PLXNA1: variants seen among roughly 807,000 people sequenced by gnomAD.
The protein encoded by PLXNA1 is plexin A1.
In PLXNA1, 77 loss-of-function variants were observed where a neutral mutation model predicts 191.7. That is an observed-to-expected ratio of 0.40 (90% CI 0.33 to 0.49). The LOEUF is 0.49. Ranked by LOEUF, PLXNA1 falls within the 20% of genes least tolerant of loss-of-function variation. PLXNA1 has a pLI of 0.63. For missense variants in PLXNA1, 2,110 were observed against 2,660.2 expected (o/e 0.79, Z 4.55); for synonymous variants, 1,137 against 1,156.4 (o/e 0.98, Z 0.34).
intron 3 of PLXNA1, among the ~76,000 whole-genome samples, chr3:126,992,669 C>G (rs1200863247): frequency 6.6e-6 from 1 of 151,942 alleles, no homozygotes; most frequent in East Asian, 1.9e-4. Flanking sequence ...CCGTGGGGGC[C>G]CAGCTGCTGA....
Position 127,029,523 on chromosome 3 carries a change from C to T in PLXNA1, c.4857C>T (p.Ser1619=). Residue 1619 remains serine (S), a synonymous_variant, in exon 27 of 32, where the codon TCC becomes TCT. Transcript: ENST00000393409. ...NISNSSTFTK[S]LSRYESMLRT... ...CCAACTCCTCCACCTTCACCAAGTCCCTCAGCAGATACGGTGAGGGGCCAG... is the reference window on the plus strand; with the variant it reads ...CCAACTCCTCCACCTTCACCAAGTCTCTCAGCAGATACGGTGAGGGGCCAG... 1 of 1,613,884 alleles carries T rather than the reference C, an allele frequency of 6.2e-7. No homozygotes were observed. Among genetic ancestry groups the T allele is most frequent in the Non-Finnish European group, 8.5e-7 (1 of 1,179,930 alleles).
intron 3 of PLXNA1, among the ~76,000 whole-genome samples, chr3:126,992,691 C>T (rs761948804): frequency 1.3e-5 from 2 of 151,974 alleles, no homozygotes; most frequent in Non-Finnish European, 2.9e-5. Flanking sequence ...TGTAGGCCCC[C>T]CAGGGTGGGG....
chr3:126,986,823 C>T (rs1196021149), intron 1 of PLXNA1, among the ~76,000 whole-genome samples: 2 of 152,176 alleles, frequency 1.3e-5, no homozygotes, highest in Non-Finnish European at 2.9e-5. Context: ...ATGTGGGCAC[C>T]AGGCACAGAG....
In PLXNA1 at chr3:127,027,889, G is replaced by C. The variant is rs1375678982; in HGVS notation, c.4363-51G>C. ...CACTCGACGGGTGGAGGGGCAGGTT[G>C]GGGGTAGGCCCGGGGGTCCTGGCTG... On this transcript the variant is annotated intron_variant, in intron 23 of 31. Coordinates refer to ENST00000393409, the MANE Select transcript of PLXNA1 (RefSeq NM_032242.4). 3.1e-6 allele frequency: 5 copies of C among 1,608,864 alleles called. No homozygotes were observed. The Admixed American group carries it at 6.7e-5, about 22-fold the overall frequency.
Position 127,029,912 on chromosome 3 carries a change from C to T in PLXNA1, c.4909C>T (p.Arg1637Cys), listed in dbSNP as rs937053151. The T allele has an allele frequency of 2.5e-6, 4 of 1,612,778 alleles. No homozygotes were observed. The highest frequency in any genetic ancestry group is 1.3e-5 in the African/African-American group (1 of 74,922). ...CACGGCCAGCAGCCCCGACAGCCTG[C>T]GCTCGCGCACGCCCATGATCACGCC... ...LRTASSPDSL[R>C]SRTPMITPDL... The change falls in exon 28 of 32, where the codon CGC becomes TGC. Residue 1637 changes from arginine to cysteine, a missense_variant. This residue lies in a region of PLXNA1 where 559 missense variants were observed against 911.5 expected (regional missense o/e 0.61). Transcript: ENST00000393409.
chr3:126,991,522 C>T lies in PLXNA1; in HGVS notation c.1333C>T (p.Arg445Cys), dbSNP rs780843387. The T allele has an allele frequency of 8.7e-6, 14 of 1,608,068 alleles. No homozygotes were observed. Among genetic ancestry groups the T allele is most frequent in the Admixed American group, 8.4e-5 (5 of 59,784 alleles). The change falls in exon 3 of 32, where the codon CGC (arginine) becomes TGC (cysteine). Residue 445 changes from arginine (R) to cysteine (C), a missense_variant. Physicochemically the swap from Arg to Cys is radical, Grantham distance 180 (BLOSUM62 -3). Coordinates refer to ENST00000393409, the MANE Select transcript of PLXNA1 (RefSeq NM_032242.4). ...CGTGGCTGCCTATGACTATCGGGGC[C>T]GCACTGTGGTATTCGCCGGCACGCG... ...TAVAAYDYRG[R>C]TVVFAGTRSG...
At chr3:127,019,324 A>C (rs895650358) in intron 20 of PLXNA1, among the ~76,000 whole-genome samples, 3 of 152,196 alleles carry the variant, frequency 2.0e-5, no homozygotes, top group Admixed American at 6.5e-5. Context: ...GAGCCCTCTC[A>C]GTCCCAGACA....
At chr3:127,010,189 T>A (rs1161369092) in intron 9 of PLXNA1, among the ~76,000 whole-genome samples, 1 of 152,170 alleles carries the variant, frequency 6.6e-6, no homozygotes, top group African/African-American at 2.4e-5. Context: ...ATCGGAGCCT[T>A]TGGGGACAAC....
At position 127,005,987 on chromosome 3, in the gene PLXNA1, G is replaced by T. The variant is rs376433889; in HGVS notation, c.1898-92G>T. The stretch of plus-strand genomic sequence containing the variant: ...GCGACTGATGGTGGCAGCTAGGAGG[G>T]TCTCCGGGCAAGTTGTTCCCCTGTC... On this transcript the variant is annotated intron_variant, in intron 7 of 31. Transcript: ENST00000393409. 6.5e-4 allele frequency: 592 copies of T among 912,988 alleles called. 6 individuals carry two copies. In the South Asian group the frequency reaches 7.6e-3, roughly 12 times the overall value. The allele number at this position is 912,988 out of a possible 1,614,324, so 56.6% of individuals were successfully genotyped here.
rs544991662 is a variant in PLXNA1, at chr3:126,991,537, G to A, written c.1348G>A (p.Ala450Thr). The A allele has an allele frequency of 1.3e-5, 20 of 1,595,470 alleles. No homozygotes were observed. The East Asian group carries it at 2.9e-4, about 23-fold the overall frequency. The change falls in exon 3 of 32, where the codon GCC becomes ACC. Residue 450 changes from alanine to threonine, a missense_variant. Physicochemically the swap from Ala to Thr is moderately conservative, Grantham distance 58. This residue lies in a region of PLXNA1 where 903 missense variants were observed against 1,015.7 expected (regional missense o/e 0.89). Transcript: ENST00000393409. ...YDYRGRTVVF[A>T]GTRSGRIRKI... ...CTATCGGGGCCGCACTGTGGTATTC[G>A]CCGGCACGCGAAGTGGCCGCATCCG...
At chr3:127,027,477 G>C in intron 23 of PLXNA1, 1 of 364,926 alleles carries the variant, frequency 2.7e-6, no homozygotes, top group Non-Finnish European at 5.3e-6. Context: ...GTCACACTTG[G>C]AGTTGCGTAG....
At chr3:127,020,410 C>G (rs763803885) in intron 21 of PLXNA1, 66 bp downstream of exon 21, 51 of 1,575,670 alleles carry the variant, frequency 3.2e-5, no homozygotes, top group Non-Finnish European at 4.0e-5. Flanking sequence ...GCCTTTGAGG[C>G]TCCTTGGGTG....
intron 23 of PLXNA1, chr3:127,027,521 A>T: frequency 2.6e-6 from 1 of 379,754 alleles, no homozygotes; most frequent in Non-Finnish European, 5.2e-6. Flanking sequence ...GCGGTGGGCC[A>T]TGGGGAGCTT....
chr3:127,024,633 C>T lies in PLXNA1; in HGVS notation c.4362+1815C>T, dbSNP rs55717709. 7.1e-3 allele frequency among the ~76,000 whole-genome samples: 1,076 copies of T among 152,192 alleles called. 10 individuals are homozygous for T. The highest frequency in any genetic ancestry group is 0.012 in the Non-Finnish European group (786 of 67,978). On this transcript the variant is annotated intron_variant, in intron 23 of 31. Transcript: ENST00000393409. ...CTCGTTGTTAGTGGGGTACCAGTGT[C>T]GGGGGCAGGCAGGGGCCAGGAGCTG...
chr3:127,023,306 G>C (rs1230217424), intron 23 of PLXNA1, among the ~76,000 whole-genome samples: 1 of 152,258 alleles, frequency 6.6e-6, no homozygotes, highest in Non-Finnish European at 1.5e-5. Flanking sequence ...CTGCAGGCCA[G>C]GGCCCAGGCT....
At position 126,989,448 on chromosome 3, in the gene PLXNA1, C is replaced by T. The variant is rs1370563604; in HGVS notation, c.855C>T (p.Leu285=). 8.7e-6 allele frequency: 14 copies of T among 1,613,530 alleles called. No individual in the cohort carries two copies. Among genetic ancestry groups the T allele is most frequent in the Admixed American group, 5.0e-5 (3 of 60,014 alleles). ...TCTTCACGTCCAAGATCGTGCGGCT[C>T]TGTGTGGACGACCCCAAATTCTACT... The part of the protein sequence containing the change: ...EHFFTSKIVR[L]CVDDPKFYSY... Residue 285 remains leucine, a synonymous_variant, in exon 2 of 32, where the codon CTC becomes CTT. Coordinates refer to ENST00000393409, the MANE Select transcript of PLXNA1 (RefSeq NM_032242.4).
intron 3 of PLXNA1, among the ~76,000 whole-genome samples, chr3:126,997,926 A>G (rs1346032547): frequency 3.9e-5 from 6 of 152,216 alleles, no homozygotes; most frequent in African/African-American, 1.2e-4. Flanking sequence ...GCTCATGGCC[A>G]GCCTGGCAGG....
At chr3:126,984,902 GAGC>G (rs2078950422) in intron 1 of PLXNA1, among the ~76,000 whole-genome samples, 1 of 152,216 alleles carries the variant, frequency 6.6e-6, no homozygotes, top group African/African-American at 2.4e-5. Flanking sequence ...TTTTTCTCAG[GAGC>G]AGGACTCCAA....
rs974505180 is a variant in PLXNA1 at position 127,036,811 on chromosome 3, C to G, written c.*2794C>G. The G allele has an allele frequency of 6.6e-6, 1 of 152,326 alleles. No homozygotes were observed. The highest frequency in any genetic ancestry group is 6.5e-5 in the Admixed American group (1 of 15,288). The allele number at this position is 152,326 out of a possible 1,614,324, so 9.4% of individuals were successfully genotyped here. ...GCGTGCTGCTGCCGCCACTTGCTTC[C>G]TGCAGCACCTCCTACCCTGCTCCGT... On this transcript the variant is annotated 3_prime_UTR_variant, in exon 32 of 32. Transcript: ENST00000393409.
Sources: allele counts gnomAD v4.1 joint callset (sites outside exome capture counted in the v4.1 genomes callset), GRCh38; gene constraint gnomAD v4.1.1; regional missense constraint gnomAD v4.1.1; transcripts MANE v1.5; gene names NCBI Gene and HGNC (gene_info 2026-07-23, HGNC 2026-07-21).